Variants in TGS1 observed in about 807,000 individuals in gnomAD.
The protein encoded by TGS1 is trimethylguanosine synthase.
A neutral mutation model predicts 92.2 loss-of-function variants in TGS1; 69 were observed. That is an observed-to-expected ratio of 0.75 (90% CI 0.62 to 0.91). TGS1 has a LOEUF of 0.91. Among genes scored for constraint, TGS1 ranks in the 40% least tolerant of loss-of-function variants. TGS1 has a pLI of 0.00. For synonymous variants in TGS1, 345 were observed against 338.1 expected (o/e 1.02, Z -0.22); for missense variants, 1,062 against 1,001.2 (o/e 1.06, Z -0.82).
At chr8:55,795,934 T>C (rs1396192370) in intron 6 of TGS1, 44 bp from the exon 7 acceptor site, 1 of 1,437,266 alleles carries the variant, frequency 7.0e-7, no homozygotes, top group East Asian at 2.3e-5. Flanking sequence ...GGAAATATAA[T>C]CCTAGAATTT....
chr8:55,795,375 TA>T (rs1812008293), intron 6 of TGS1, among the ~76,000 whole-genome samples: 1 of 152,228 alleles, frequency 6.6e-6, no homozygotes, highest in Non-Finnish European at 1.5e-5. Context: ...TTATAAATGC[TA>T]AAGTGTACGT....
In TGS1 at chr8:55,824,708, G is replaced by T; in HGVS notation, c.*5G>T. 1 of 1,614,120 alleles carries T rather than the reference G, an allele frequency of 6.2e-7. No homozygotes were observed. The highest frequency in any genetic ancestry group is 8.5e-7 in the Non-Finnish European group (1 of 1,180,000). ...AGACCAGCCTCTGAAACCTAACTAT[G>T]CAGCAGTGCGAGGACAAAAGATCAT... On this transcript the variant is annotated 3_prime_UTR_variant, in exon 13 of 13. Coordinates refer to ENST00000260129, the MANE Select transcript of TGS1 (RefSeq NM_024831.8).
At chr8:55,785,982 C>A in intron 3 of TGS1, 91 bp downstream of exon 3, 2 of 1,030,480 alleles carry the variant, frequency 1.9e-6, no homozygotes, top group Non-Finnish European at 2.8e-6. Flanking sequence ...TATATGCATT[C>A]ACGATCAGCG....
At chr8:55,798,398 T>C (rs1348831775) in intron 7 of TGS1, among the ~76,000 whole-genome samples, 1 of 152,216 alleles carries the variant, frequency 6.6e-6, no homozygotes, top group Non-Finnish European at 1.5e-5. Context: ...AAAAGGCAAC[T>C]TTGATTTTTT....
intron 7 of TGS1, 115 bp downstream of exon 7, chr8:55,796,267 AATTT>A: frequency 1.2e-6 from 1 of 809,636 alleles, no homozygotes; most frequent in Non-Finnish European, 1.9e-6. Context: ...CAAGGTACAT[AATTT>A]TTTTTTTTTT....
Position 55,805,030 on chromosome 8 carries a change from A to T in TGS1, c.2137A>T (p.Met713Leu). ...TACCATTCAGTTTGCCTTAACAGGAATGAGAGGTAATTAGCCATCAATGGA... is the reference window on the plus strand; with the variant it reads ...TACCATTCAGTTTGCCTTAACAGGATTGAGAGGTAATTAGCCATCAATGGA... ...GNTIQFALTG[M>L]RVIAIDIDPV... The change falls in exon 10 of 13, where the codon ATG becomes TTG. Residue 713 changes from methionine (M) to leucine (L), a missense_variant. Coordinates refer to ENST00000260129, the MANE Select transcript of TGS1 (RefSeq NM_024831.8). 1 of 1,613,314 alleles carries T rather than the reference A, an allele frequency of 6.2e-7. No homozygotes were observed. The highest frequency in any genetic ancestry group is 8.5e-7 in the Non-Finnish European group (1 of 1,179,514).
chr8:55,799,566 G>A (rs1812162956), intron 8 of TGS1, among the ~76,000 whole-genome samples: 1 of 152,060 alleles, frequency 6.6e-6, no homozygotes, highest in African/African-American at 2.4e-5. Context: ...ATGTGGTGTA[G>A]CTTTGGTTTA....
At chr8:55,818,199 A>AT (rs367848057) in intron 12 of TGS1, among the ~76,000 whole-genome samples, 2,022 of 150,528 alleles carry the variant, frequency 0.013, 40 homozygotes, top group African/African-American at 0.047. Flanking sequence ...CTGGTTACCA[A>AT]TTTTTTTTTT....
At chr8:55,777,485 C>T (rs1811434395) in intron 1 of TGS1, among the ~76,000 whole-genome samples, 1 of 152,098 alleles carries the variant, frequency 6.6e-6, no homozygotes, top group Non-Finnish European at 1.5e-5. Context: ...TGGCTATCTT[C>T]AGCTGTCTTT....
intron 6 of TGS1, among the ~76,000 whole-genome samples, chr8:55,795,452 A>T (rs1319890832): frequency 1.3e-5 from 2 of 152,210 alleles, no homozygotes; most frequent in Non-Finnish European, 2.9e-5. Flanking sequence ...TAATCAAAGG[A>T]GGCTTCATAG....
intron 12 of TGS1, among the ~76,000 whole-genome samples, chr8:55,816,015 A>G (rs903505924): frequency 2.0e-5 from 3 of 151,990 alleles, no homozygotes; most frequent in African/African-American, 7.3e-5. Context: ...TAGCAGTAGC[A>G]TGATCATAGC....
intron 6 of TGS1, 126 bp downstream of exon 6, chr8:55,792,910 G>A: frequency 1.5e-6 from 1 of 650,658 alleles, no homozygotes; most frequent in Non-Finnish European, 2.7e-6. Flanking sequence ...ATCACTTCTT[G>A]TTAGAATTGT....
Position 55,786,284 on chromosome 8 carries a change from A to G in TGS1, c.386A>G (p.His129Arg). The G allele has an allele frequency of 2.6e-6, 4 of 1,537,450 alleles. No individual in the cohort carries two copies. The highest frequency in any genetic ancestry group is 3.5e-6 in the Non-Finnish European group (4 of 1,135,312). ...AAAGTTAAAATAAAAAAGAAAAAACATCAAAAGAAATACTTAGATGAAATT... is the reference window on the plus strand; with the variant it reads ...AAAGTTAAAATAAAAAAGAAAAAACGTCAAAAGAAATACTTAGATGAAATT... ...RNKVKIKKKK[H>R]QKKYLDEIVQ... Residue 129 changes from histidine to arginine, a missense_variant, in exon 4 of 13, where the codon CAT (histidine) becomes CGT (arginine). His to Arg is a conservative substitution (Grantham distance 29, BLOSUM62 0). Coordinates refer to ENST00000260129, the MANE Select transcript of TGS1 (RefSeq NM_024831.8).
chr8:55,773,679 G>C lies in TGS1; in HGVS notation c.61G>C (p.Asp21His). The C allele has an allele frequency of 1.2e-6, 2 of 1,611,574 alleles. No homozygotes were observed. Among genetic ancestry groups the C allele is most frequent in the Non-Finnish European group, 1.7e-6 (2 of 1,179,082 alleles). Residue 21 changes from aspartate (D) to histidine (H), a missense_variant, in exon 1 of 13, where the codon GAT becomes CAT. Asp to His is a moderately conservative substitution (Grantham distance 81). Coordinates refer to ENST00000260129, the MANE Select transcript of TGS1 (RefSeq NM_024831.8). ...EMFLFIEERE[D>H]CKILCLCSRA... ...GTTTCTCTTCATTGAGGAGCGGGAG[G>C]ATTGTAAGATACTGTGCCTTTGCTC... is the stretch of plus-strand genomic sequence containing the variant.
At chr8:55,814,672 AAAATATAT>A (rs1408343447) in intron 12 of TGS1, among the ~76,000 whole-genome samples, 1 of 126,906 alleles carries the variant, frequency 7.9e-6, no homozygotes, top group Non-Finnish European at 1.6e-5. Context: ...AAAAAAAAAA[AAAATATAT>A]ATATATATAT....
chr8:55,793,960 T>C (rs1257611548), intron 6 of TGS1, among the ~76,000 whole-genome samples: 2 of 151,784 alleles, frequency 1.3e-5, no homozygotes, highest in African/African-American at 2.4e-5. Flanking sequence ...ACAGAAAAAT[T>C]AGGTCATATT....
intron 8 of TGS1, among the ~76,000 whole-genome samples, chr8:55,800,813 A>G (rs1370089420): frequency 6.6e-6 from 1 of 152,206 alleles, no homozygotes; most frequent in Non-Finnish European, 1.5e-5. Flanking sequence ...AGATGAACAT[A>G]TTAGGACATA....
chr8:55,795,356 T>G (rs893337460), intron 6 of TGS1, among the ~76,000 whole-genome samples: 10 of 152,192 alleles, frequency 6.6e-5, no homozygotes, highest in Admixed American at 2.6e-4. Flanking sequence ...ACCCAGACTA[T>G]TCTGGATTTT....
intron 11 of TGS1, 108 bp from the exon 12 acceptor site, chr8:55,812,932 C>T: frequency 5.7e-6 from 5 of 870,626 alleles, no homozygotes; most frequent in Admixed American, 2.5e-5. Flanking sequence ...AAGTTTTTGC[C>T]TTTTAGTTAC....
Sources: gnomAD v4.1 joint callset for allele counts (sites outside exome capture counted in the v4.1 genomes callset) on GRCh38, gnomAD v4.1.1 for gene constraint, MANE v1.5 for transcripts, NCBI Gene and HGNC (gene_info 2026-07-23, HGNC 2026-07-21) for gene names.